SYNE2: variants seen among roughly 807,000 people sequenced by gnomAD.
SYNE2 encodes the protein spectrin repeat containing nuclear envelope protein 2, also known as nesprin-2.
Under a neutral mutation model 856.3 loss-of-function variants are expected in SYNE2, and 431 were observed. The observed-to-expected ratio is 0.50, with a 90% confidence interval of 0.47 to 0.55. The LOEUF is 0.55. SYNE2 is among the 20% of genes least tolerant of loss of function. The probability of loss-of-function intolerance (pLI) is 0.00; values close to 1 mark genes in which losing one functional copy is unlikely to be tolerated. For synonymous variants in SYNE2, 2,923 were observed against 2,872.3 expected (o/e 1.02, Z -0.56); for missense variants, 8,129 against 8,023.2 (o/e 1.01, Z -0.50).
Position 64,219,220 on chromosome 14 carries a change from G to A in SYNE2, c.19670G>A (p.Arg6557Lys). The A allele has an allele frequency of 6.2e-7, 1 of 1,611,920 alleles. No individual in the cohort carries two copies. Among genetic ancestry groups the A allele is most frequent in the Non-Finnish European group, 8.5e-7 (1 of 1,179,354 alleles). The change falls in exon 110 of 116, where the codon AGA becomes AAA. Residue 6557 changes from arginine to lysine, a missense_variant. Arg to Lys is a conservative substitution (Grantham distance 26). Around this residue, in one of 3 missense-constraint regions of SYNE2, gnomAD observed 5,410 missense variants for 5,284.8 expected, o/e 1.02. Transcript: ENST00000555002. ...TTTTTAATTCCAGGTGCCTTCGACA[G>A]ATGGGAGATGATTCAAGCACAGGAG... ...ITEQQSGAFD[R>K]WEMIQAQELH...
rs998561889 is a variant in SYNE2 at position 64,190,881 on chromosome 14, A to G, written c.18038+644A>G. On this transcript the variant is annotated intron_variant, in intron 99 of 115. Coordinates refer to ENST00000555002, the MANE Select transcript of SYNE2 (RefSeq NM_182914.3). ...CCTCCCAAAATGATGATGATGCCCA[A>G]AATTTTTAAATGTCTTCAAATTCCC... 1.0e-5 allele frequency: 7 copies of G among 693,410 alleles called. No individual in the cohort carries two copies. In the Middle Eastern group the frequency reaches 6.9e-4, roughly 68 times the overall value. 43.0% of individuals were successfully genotyped at this position (693,410 alleles called of 1,614,324 possible). A position where few individuals can be genotyped will look rare whatever the true frequency, so the allele number is the denominator to read the frequency against.
intron 2 of SYNE2, among the ~76,000 whole-genome samples, chr14:63,930,655 C>CATGGGTAGCTCCAA (rs1196861403): frequency 9.2e-5 from 14 of 151,978 alleles, no homozygotes; most frequent in Non-Finnish European, 1.8e-4. Context: ...CTTCTTCAGC[C>CATGGGTAGCTCCAA]TCCCAAGTAG....
chr14:63,787,279 T>G (rs1393094020), intron 1 of SYNE2, among the ~76,000 whole-genome samples: 2 of 152,160 alleles, frequency 1.3e-5, no homozygotes, highest in Non-Finnish European at 2.9e-5. Flanking sequence ...GAAATCTAGA[T>G]CTTATTCCTT....
intron 3 of SYNE2, 38 bp from the exon 4 acceptor site, chr14:63,941,657 A>G: frequency 1.9e-6 from 3 of 1,570,452 alleles, no homozygotes; most frequent in Non-Finnish European, 2.6e-6. Context: ...TTTTTGGACC[A>G]AAGTTTGAAT....
At position 64,113,577 on chromosome 14, in the gene SYNE2, A is replaced by G; in HGVS notation, c.12840+6A>G. 6.3e-7 allele frequency: 1 copy of G among 1,598,448 alleles called. No individual in the cohort carries two copies. The highest frequency in any genetic ancestry group is 8.5e-7 in the Non-Finnish European group (1 of 1,172,578). ...AGCAGCTGGTAGGGTGCCAGGTAAG[A>G]CTGAGAAGTCAGAGTTCATGGTTTG... is the stretch of plus-strand genomic sequence containing the variant. On this transcript the variant is annotated splice_donor_region_variant and intron_variant, in intron 66 of 115. Coordinates refer to ENST00000555002, the MANE Select transcript of SYNE2 (RefSeq NM_182914.3).
intron 34 of SYNE2, among the ~76,000 whole-genome samples, chr14:64,018,957 A>G (rs375656873): frequency 1.3e-5 from 2 of 152,278 alleles, no homozygotes; most frequent in South Asian, 2.1e-4. Flanking sequence ...TTGTTTACAT[A>G]TTATTTGTTT....
At chr14:63,805,458 C>A (rs1417517238) in intron 1 of SYNE2, among the ~76,000 whole-genome samples, 1 of 152,202 alleles carries the variant, frequency 6.6e-6, no homozygotes, top group Non-Finnish European at 1.5e-5. Flanking sequence ...GCAATCCCGG[C>A]TCACTGCAAG....
intron 1 of SYNE2, among the ~76,000 whole-genome samples, chr14:63,774,764 A>T (rs1379829371): frequency 6.6e-6 from 1 of 151,992 alleles, no homozygotes; most frequent in Non-Finnish European, 1.5e-5. Flanking sequence ...TATTGTATTA[A>T]TAATTGTCTT....
intron 1 of SYNE2, among the ~76,000 whole-genome samples, chr14:63,883,435 G>T (rs1277047086): frequency 2.0e-5 from 3 of 152,110 alleles, no homozygotes; most frequent in African/African-American, 7.2e-5. Context: ...ATGGCTCACT[G>T]CAGCCTTGAT....
At chr14:64,208,066 A>G in intron 100 of SYNE2, 1 of 456,050 alleles carries the variant, frequency 2.2e-6, no homozygotes, top group South Asian at 1.5e-5. Context: ...TTTTCTCTTC[A>G]TAAATGTTAT....
intron 96 of SYNE2, among the ~76,000 whole-genome samples, chr14:64,178,581 C>CA (rs202122862): frequency 0.015 from 2,341 of 152,262 alleles, 55 homozygotes; most frequent in African/African-American, 0.053. Context: ...CCTCAGCCCC[C>CA]CCGAGTAGCC....
chr14:64,216,270 C>T lies in SYNE2; in HGVS notation c.19425C>T (p.His6475=), dbSNP rs1297866603. ...CAGGTAAATCCATTTCGGATGGCCACTCGTGGCATGTTCCCGACAGCCCTT... is the reference window on the plus strand; with the variant it reads ...CAGGTAAATCCATTTCGGATGGCCATTCGTGGCATGTTCCCGACAGCCCTT... ...ASSGKSISDG[H]SWHVPDSPSC... Residue 6475 remains histidine (H), a synonymous_variant, in exon 108 of 116, where the codon CAC becomes CAT. Transcript: ENST00000555002. 7.4e-6 allele frequency: 12 copies of T among 1,614,226 alleles called. No homozygotes were observed. The highest frequency in any genetic ancestry group is 1.7e-5 in the Admixed American group (1 of 60,024).
At chr14:64,125,410 A>G (rs2097934400) in intron 71 of SYNE2, among the ~76,000 whole-genome samples, 200 bp downstream of exon 71, 1 of 152,186 alleles carries the variant, frequency 6.6e-6, no homozygotes, top group Non-Finnish European at 1.5e-5. Flanking sequence ...ACTGTGTGCA[A>G]AGGATTCTGA....
chr14:63,841,999 A>AT (rs373831086), intron 1 of SYNE2, among the ~76,000 whole-genome samples: 1,597 of 150,752 alleles, frequency 0.011, 31 homozygotes, highest in African/African-American at 0.036. Flanking sequence ...TGCCCGGCTA[A>AT]TTTTTTTTGT....
At chr14:64,114,074 A>G (rs2097834908) in intron 66 of SYNE2, among the ~76,000 whole-genome samples, 2 of 152,216 alleles carry the variant, frequency 1.3e-5, no homozygotes, top group Admixed American at 1.3e-4. Flanking sequence ...CATTCATCAT[A>G]AATGAAACCA....
chr14:63,829,412 G>A (rs1277063064), intron 1 of SYNE2, among the ~76,000 whole-genome samples: 27 of 151,670 alleles, frequency 1.8e-4, no homozygotes, highest in Admixed American at 1.8e-3. Context: ...GGAAGATCCT[G>A]TGTCAAAAAC....
chr14:64,145,950 T>C (rs972800246), intron 83 of SYNE2, 118 bp from the exon 84 acceptor site: 29 of 666,842 alleles, frequency 4.3e-5, no homozygotes, highest in Non-Finnish European at 6.7e-5. Context: ...AGCATCTTAT[T>C]ACATGAAATA....
chr14:64,075,795 G>T (rs889508362), intron 53 of SYNE2, 150 bp from the exon 54 acceptor site: 3 of 757,046 alleles, frequency 4.0e-6, no homozygotes, highest in South Asian at 3.1e-5. Context: ...GTGTCTCTGG[G>T]GCTTAATCAG....
rs77805073 is a variant in SYNE2, at chr14:63,786,823, G to A, written c.-305+24837G>A. Reference sequence around the variant, plus strand: ...CTGTTACCCAGGCTGGAGTGCAGTGGTGCAAACATGGCTCACTGCAGCCTG... The same window carrying A: ...CTGTTACCCAGGCTGGAGTGCAGTGATGCAAACATGGCTCACTGCAGCCTG... On this transcript the variant is annotated intron_variant, in intron 1 of 23. Transcript: ENST00000674003. Among the ~76,000 whole-genome samples the A allele has an allele frequency of 9.8e-3, 1,486 of 152,200 alleles. 21 individuals carry two copies. The highest frequency in any genetic ancestry group is 0.034 in the African/African-American group (1,413 of 41,500).
Sources: allele counts gnomAD v4.1 joint callset (sites outside exome capture counted in the v4.1 genomes callset), GRCh38; gene constraint gnomAD v4.1.1; regional missense constraint gnomAD v4.1.1; transcripts MANE v1.5; gene names NCBI Gene and HGNC (gene_info 2026-07-23, HGNC 2026-07-21).